CCDC171: variants seen among roughly 807,000 people sequenced by gnomAD.
The protein encoded by CCDC171 is coiled-coil domain containing 171, also known as coiled-coil domain-containing protein 171.
A neutral mutation model predicts 168.2 loss-of-function variants in CCDC171; 177 were observed. The ratio of observed to expected loss-of-function variants is 1.05; its 90% CI spans 0.93 to 1.19. The LOEUF is 1.19. Among genes scored for constraint, CCDC171 ranks in the 50% most tolerant of loss-of-function variants. The pLI, the probability that CCDC171 is intolerant of heterozygous loss-of-function variation, is 0.00. For missense variants in CCDC171, 1,991 were observed against 1,539.0 expected (o/e 1.29, Z -4.91); for synonymous variants, 687 against 540.8 (o/e 1.27, Z -3.75).
At chr9:15,645,452 C>G (rs2046963658) in intron 7 of CCDC171, among the ~76,000 whole-genome samples, 1 of 152,262 alleles carries the variant, frequency 6.6e-6, no homozygotes, top group African/African-American at 2.4e-5. Context: ...CTGCTCTGAG[C>G]TAAAGGAGGA....
chr9:15,863,231 A>C (rs569277802), intron 23 of CCDC171, among the ~76,000 whole-genome samples: 2 of 151,912 alleles, frequency 1.3e-5, no homozygotes, highest in African/African-American at 4.8e-5. Context: ...CCTGGTAATA[A>C]CGATGCTGTG....
At chr9:15,965,380 A>G (rs1370471264) in intron 25 of CCDC171, among the ~76,000 whole-genome samples, 1 of 152,178 alleles carries the variant, frequency 6.6e-6, no homozygotes, top group Non-Finnish European at 1.5e-5. Flanking sequence ...GCTAGGCTAT[A>G]TCTTCTTTGG....
At chr9:15,570,346 T>C (rs1267701444) in intron 2 of CCDC171, among the ~76,000 whole-genome samples, 1 of 152,142 alleles carries the variant, frequency 6.6e-6, no homozygotes, top group East Asian at 1.9e-4. Flanking sequence ...ATGTGACATA[T>C]GGATGATATA....
At chr9:15,601,732 C>G (rs1367910689) in intron 6 of CCDC171, among the ~76,000 whole-genome samples, 2 of 152,188 alleles carry the variant, frequency 1.3e-5, no homozygotes, top group Non-Finnish European at 2.9e-5. Context: ...GAAGACTTTG[C>G]AGAGCCTACA....
intron 21 of CCDC171, among the ~76,000 whole-genome samples, chr9:15,791,877 A>G (rs1289942853): frequency 6.6e-6 from 1 of 152,200 alleles, no homozygotes; most frequent in African/African-American, 2.4e-5. Context: ...ATAGGGAAAA[A>G]ACAGAGCAGA....
At chr9:15,716,530 G>A (rs1207667568) in intron 11 of CCDC171, among the ~76,000 whole-genome samples, 2 of 151,894 alleles carry the variant, frequency 1.3e-5, no homozygotes, top group Non-Finnish European at 2.9e-5. Context: ...ATAAATTTGG[G>A]TGGGATATTG....
At chr9:15,916,707 A>G (rs1245516934) in intron 24 of CCDC171, among the ~76,000 whole-genome samples, 2 of 152,032 alleles carry the variant, frequency 1.3e-5, no homozygotes, top group Non-Finnish European at 2.9e-5. Flanking sequence ...GTATCTTATA[A>G]CTTTTTATAT....
Position 15,727,987 on chromosome 9 carries a change from A to G in CCDC171, c.1811A>G (p.Gln604Arg). The G allele has an allele frequency of 6.2e-7, 1 of 1,613,302 alleles. No homozygotes were observed. The highest frequency in any genetic ancestry group is 8.5e-7 in the Non-Finnish European group (1 of 1,179,546). ...TGGTCTGAGCTTTGTGCAGTCTTACAGGAGAATGTTGATGCCCTGATTGCA... is the reference window on the plus strand; with the variant it reads ...TGGTCTGAGCTTTGTGCAGTCTTACGGGAGAATGTTGATGCCCTGATTGCA... ...FSWSELCAVL[Q>R]ENVDALIADL... Residue 604 changes from glutamine to arginine, a missense_variant, in exon 15 of 26, where the codon CAG (glutamine) becomes CGG (arginine). By Grantham distance (43) the Gln-to-Arg change is conservative. Transcript: ENST00000380701.
At chr9:15,787,459 A>C (rs1300635522) in intron 21 of CCDC171, among the ~76,000 whole-genome samples, 1 of 152,064 alleles carries the variant, frequency 6.6e-6, no homozygotes, top group Non-Finnish European at 1.5e-5. Context: ...GATTTATCCC[A>C]GCTTCTTCCT....
intron 25 of CCDC171, among the ~76,000 whole-genome samples, chr9:15,928,106 C>T (rs1826088437): frequency 6.6e-6 from 1 of 151,586 alleles, no homozygotes; most frequent in African/African-American, 2.4e-5. Flanking sequence ...CCTCTGATTC[C>T]CTGTCAGGTG....
intron 11 of CCDC171, among the ~76,000 whole-genome samples, chr9:15,716,164 C>T (rs2053071514): frequency 6.6e-6 from 1 of 152,108 alleles, no homozygotes; most frequent in Non-Finnish European, 1.5e-5. Flanking sequence ...ACTTTAGATA[C>T]CTTATATTAA....
chr9:15,558,912 C>T (rs2039038219), intron 1 of CCDC171, among the ~76,000 whole-genome samples: 1 of 152,076 alleles, frequency 6.6e-6, no homozygotes, highest in African/African-American at 2.4e-5. Flanking sequence ...GAATGTGTCC[C>T]AGAGATTCTG....
intron 24 of CCDC171, among the ~76,000 whole-genome samples, chr9:15,918,144 A>G (rs1824800883): frequency 6.6e-6 from 1 of 151,598 alleles, no homozygotes; most frequent in African/African-American, 2.4e-5. Context: ...TAATCCCTCC[A>G]AGCTCCTGTG....
chr9:15,994,623 A>G (rs964844525), intron 3 of CCDC171, among the ~76,000 whole-genome samples: 11 of 152,148 alleles, frequency 7.2e-5, no homozygotes, highest in Non-Finnish European at 1.5e-4. Context: ...AATGGACACA[A>G]TTTCTTGTTC....
intron 1 of CCDC171, among the ~76,000 whole-genome samples, chr9:15,555,180 AT>A (rs2132373120): frequency 1.3e-5 from 2 of 152,282 alleles, no homozygotes; most frequent in Admixed American, 1.3e-4. Context: ...CCTTTTATCT[AT>A]TTTTAAAAAT....
chr9:15,994,266 A>T (rs372375358), intron 3 of CCDC171, among the ~76,000 whole-genome samples: 98 of 152,330 alleles, frequency 6.4e-4, no homozygotes, highest in African/African-American at 2.3e-3. Flanking sequence ...ATAAAAAAGG[A>T]TGAGTTCATG....
chr9:15,644,484 C>A (rs192374034), intron 7 of CCDC171, among the ~76,000 whole-genome samples: 1 of 152,170 alleles, frequency 6.6e-6, no homozygotes, highest in Non-Finnish European at 1.5e-5. Flanking sequence ...AGGGAATTCC[C>A]TTTCCTAGCT....
Position 15,659,860 on chromosome 9 carries a change from C to T in CCDC171, c.915+2641C>T, listed in dbSNP as rs137901939. Among the ~76,000 whole-genome samples, 870 of 152,278 alleles carry T rather than the reference C, an allele frequency of 5.7e-3. 13 individuals carry two copies. The highest frequency in any genetic ancestry group is 0.02 in the African/African-American group (818 of 41,556). Reference sequence around the variant, plus strand: ...TGTTTATTATCTTTTCACCCAACCTCCTATCACCACTCCGTTACTTTATTT... The same window carrying T: ...TGTTTATTATCTTTTCACCCAACCTTCTATCACCACTCCGTTACTTTATTT... On this transcript the variant is annotated intron_variant, in intron 8 of 25. Coordinates refer to ENST00000380701, the MANE Select transcript of CCDC171 (RefSeq NM_173550.4).
chr9:15,824,903 C>T (rs2059949687), intron 21 of CCDC171, among the ~76,000 whole-genome samples: 1 of 151,998 alleles, frequency 6.6e-6, no homozygotes, highest in South Asian at 2.1e-4. Context: ...AGATGTCAGG[C>T]CAGTTTGCTG....
Sources: gnomAD v4.1 joint callset for allele counts (sites outside exome capture counted in the v4.1 genomes callset) on GRCh38, gnomAD v4.1.1 for gene constraint, MANE v1.5 for transcripts, NCBI Gene and HGNC (gene_info 2026-07-23, HGNC 2026-07-21) for gene names.